The following USP34 variants were observed in gnomAD, a reference collection of about 807,000 sequenced individuals.
The protein encoded by USP34 is ubiquitin carboxyl-terminal hydrolase 34.
A neutral mutation model predicts 460.3 loss-of-function variants in USP34; 70 were observed. The observed-to-expected ratio is 0.15, with a 90% CI of 0.13 to 0.19. The LOEUF is 0.19. Among genes scored for constraint, USP34 ranks in the 10% least tolerant of loss-of-function variants. The pLI is 1.00. For synonymous variants in USP34, 1,647 were observed against 1,405.3 expected (o/e 1.17, Z -3.85); for missense variants, 3,985 against 4,236.2 (o/e 0.94, Z 1.65).
At chr2:61,245,331 A>C (rs1688390795) in intron 50 of USP34, 43 bp from the exon 51 acceptor site, 1 of 1,148,266 alleles carries the variant, frequency 8.7e-7, no homozygotes, top group Non-Finnish European at 1.2e-6. Context: ...GCATATAATG[A>C]GTATCTTCAT....
At chr2:61,336,772 T>C (rs1270230894) in intron 18 of USP34, among the ~76,000 whole-genome samples, 4 of 126,326 alleles carry the variant, frequency 3.2e-5, no homozygotes, top group Non-Finnish European at 6.2e-5. Flanking sequence ...ATCATGTCAC[T>C]GCACTCCAGC....
intron 1 of USP34, among the ~76,000 whole-genome samples, chr2:61,429,099 T>C (rs558868331): frequency 6.6e-6 from 1 of 152,330 alleles, no homozygotes; most frequent in South Asian, 2.1e-4. Context: ...CTAGGAGTTC[T>C]AGACCAGCCT....
intron 53 of USP34, among the ~76,000 whole-genome samples, chr2:61,239,230 G>T (rs1225283457): frequency 6.6e-6 from 1 of 150,586 alleles, no homozygotes; most frequent in East Asian, 2.0e-4. Flanking sequence ...AAAAGGAGGA[G>T]TCACACATCT....
chr2:61,447,367 A>C (rs2104048448), intron 1 of USP34, among the ~76,000 whole-genome samples: 1 of 151,902 alleles, frequency 6.6e-6, no homozygotes, highest in South Asian at 2.1e-4. Context: ...TGTCAGGTTC[A>C]AGTTTTCTAA....
At chr2:61,353,233 C>T (rs1691999931) in intron 10 of USP34, among the ~76,000 whole-genome samples, 1 of 152,126 alleles carries the variant, frequency 6.6e-6, no homozygotes, top group Non-Finnish European at 1.5e-5. Context: ...GAGGTACAGG[C>T]ACAGAGGCTG....
At chr2:61,200,389 C>CCCT (rs1363446595) in intron 75 of USP34, 1 of 152,258 alleles carries the variant, frequency 6.6e-6, no homozygotes, top group African/African-American at 2.4e-5. Context: ...CAACCCCATC[C>CCCT]CCTCACCATC....
In USP34 at chr2:61,255,802, G is replaced by T. The variant is rs556513670; in HGVS notation, c.6221+582C>A. ...TGTTGCAGACACTACCCACTTATTG[G>T]TCACTTAGTAGCTCTCTTATTACAT... On this transcript the variant is annotated intron_variant, in intron 48 of 79. Coordinates refer to ENST00000398571, the MANE Select transcript of USP34 (RefSeq NM_014709.4). Among the ~76,000 whole-genome samples, 13 of 152,236 alleles carry T rather than the reference G, an allele frequency of 8.5e-5. No homozygotes were observed. The East Asian group carries it at 1.4e-3, about 16-fold the overall frequency.
chr2:61,339,482 T>A lies in USP34; in HGVS notation c.2617-4A>T. The A allele has an allele frequency of 1.9e-6, 3 of 1,565,142 alleles. No individual in the cohort carries two copies. Among genetic ancestry groups the A allele is most frequent in the Non-Finnish European group, 2.6e-6 (3 of 1,158,164 alleles). On this transcript the variant is annotated splice_polypyrimidine_tract_variant and splice_region_variant and intron_variant, in intron 17 of 79. Transcript: ENST00000398571. Reference sequence around the variant, plus strand: ...TTAATCCTTCAGAAAGATTAACCTATAAAAAATGTATATAAAATTACTATT... The same window carrying A: ...TTAATCCTTCAGAAAGATTAACCTAAAAAAAATGTATATAAAATTACTATT...
intron 48 of USP34, among the ~76,000 whole-genome samples, 156 bp from the exon 49 acceptor site, chr2:61,248,839 G>A (rs1337984525): frequency 2.6e-5 from 4 of 152,212 alleles, no homozygotes; most frequent in Admixed American, 6.5e-5. Flanking sequence ...AGAACACCCC[G>A]TGTCTGCCTG....
intron 1 of USP34, among the ~76,000 whole-genome samples, chr2:61,430,895 T>C (rs954338756): frequency 1.3e-5 from 2 of 152,038 alleles, no homozygotes; most frequent in Non-Finnish European, 2.9e-5. Flanking sequence ...TCTCAGCTAC[T>C]TGGGAGGCTG....
At chr2:61,301,690 C>T (rs563560917) in intron 27 of USP34, among the ~76,000 whole-genome samples, 2 of 152,324 alleles carry the variant, frequency 1.3e-5, no homozygotes, top group East Asian at 3.9e-4. Context: ...ACACTATGTT[C>T]AGCCAACTGG....
chr2:61,432,044 C>T (rs1694691502), intron 1 of USP34, among the ~76,000 whole-genome samples: 1 of 151,684 alleles, frequency 6.6e-6, no homozygotes. Context: ...TTTAAAATAA[C>T]AAAAAACAGA....
chr2:61,279,840 G>A (rs1353068004), intron 39 of USP34, among the ~76,000 whole-genome samples: 1 of 152,160 alleles, frequency 6.6e-6, no homozygotes, highest in Non-Finnish European at 1.5e-5. Context: ...AATTAGATAT[G>A]CAAAAACTGA....
At chr2:61,413,428 C>T (rs1694102680) in intron 2 of USP34, among the ~76,000 whole-genome samples, 1 of 147,198 alleles carries the variant, frequency 6.8e-6, no homozygotes. Context: ...ACAAAAGAGG[C>T]CGAGTGAGTG....
rs1320630809 is a variant in USP34 at position 61,296,781 on chromosome 2, A to G, written c.4254+19T>C. ...CTGGTAACAGCCTCTAGGAGAGTAAAGAGATTTTGTGGGCTCACCTGCTCA... is the reference window on the plus strand; with the variant it reads ...CTGGTAACAGCCTCTAGGAGAGTAAGGAGATTTTGTGGGCTCACCTGCTCA... On this transcript the variant is annotated intron_variant, in intron 30 of 79. Coordinates refer to ENST00000398571, the MANE Select transcript of USP34 (RefSeq NM_014709.4). 9 of 1,607,372 alleles carry G rather than the reference A, an allele frequency of 5.6e-6. No homozygotes were observed. Among genetic ancestry groups the G allele is most frequent in the Non-Finnish European group, 7.6e-6 (9 of 1,177,450 alleles).
chr2:61,424,792 T>G (rs1460630572), intron 1 of USP34, among the ~76,000 whole-genome samples: 2 of 152,130 alleles, frequency 1.3e-5, no homozygotes, highest in African/African-American at 4.8e-5. Flanking sequence ...AATTATTTTT[T>G]AAAGGAGTTC....
At chr2:61,213,933 A>G in intron 68 of USP34, 127 bp downstream of exon 68, 1 of 1,131,012 alleles carries the variant, frequency 8.8e-7, no homozygotes, top group African/African-American at 1.6e-5. Flanking sequence ...GAAAACAAAT[A>G]CACATTAAGT....
At chr2:61,404,684 GTT>G (rs1252409513) in intron 3 of USP34, among the ~76,000 whole-genome samples, 1 of 152,118 alleles carries the variant, frequency 6.6e-6, no homozygotes, top group African/African-American at 2.4e-5. Context: ...TACCCATCCA[GTT>G]CTCAAAGTAA....
In USP34 at chr2:61,188,312, C is replaced by T; in HGVS notation, c.10431G>A (p.Leu3477=). 2 of 1,613,688 alleles carry T rather than the reference C, an allele frequency of 1.2e-6. No homozygotes were observed. Among genetic ancestry groups the T allele is most frequent in the Non-Finnish European group, 1.7e-6 (2 of 1,180,024 alleles). Residue 3477 remains leucine (L), a synonymous_variant, in exon 80 of 80, where the codon CTG becomes CTA. Coordinates refer to ENST00000398571, the MANE Select transcript of USP34 (RefSeq NM_014709.4). ...EFPSTSISAV[L]SDLADLRSCD... ...AGCTTCTCAAGTCAGCTAAGTCAGA[C>T]AGAACTGCAGAGATAGAAGTAGAAG...
Sources: gnomAD v4.1 joint callset for allele counts (sites outside exome capture counted in the v4.1 genomes callset) on GRCh38, gnomAD v4.1.1 for gene constraint, MANE v1.5 for transcripts, NCBI Gene and HGNC (gene_info 2026-07-23, HGNC 2026-07-21) for gene names.